The following CTNND2 variants were observed in gnomAD, a reference collection of about 807,000 sequenced individuals.
The protein encoded by CTNND2 is catenin delta-2.
In CTNND2, 22 loss-of-function variants were observed where a neutral mutation model predicts 144.4. The ratio of observed to expected loss-of-function variants is 0.15; its 90% confidence interval spans 0.11 to 0.22. The LOEUF is 0.22. Ranked by LOEUF, CTNND2 falls within the 10% of genes least tolerant of loss-of-function variation. CTNND2 has a pLI of 1.00. For missense variants in CTNND2, 1,353 were observed against 1,618.8 expected (o/e 0.84, Z 2.82); for synonymous variants, 751 against 695.6 (o/e 1.08, Z -1.25).
chr5:11,259,381 T>A (rs1744624011), intron 9 of CTNND2, among the ~76,000 whole-genome samples: 1 of 152,074 alleles, frequency 6.6e-6, no homozygotes, highest in African/African-American at 2.4e-5. Flanking sequence ...AGATGCTAGG[T>A]CAATTGCCCC....
At chr5:11,169,929 C>A (rs1273916665) in intron 11 of CTNND2, among the ~76,000 whole-genome samples, 1 of 152,092 alleles carries the variant, frequency 6.6e-6, no homozygotes, top group African/African-American at 2.4e-5. Flanking sequence ...AACTACATGT[C>A]CAAAACAAGA....
chr5:11,734,888 A>T (rs1787592098), intron 1 of CTNND2, among the ~76,000 whole-genome samples: 1 of 152,178 alleles, frequency 6.6e-6, no homozygotes, highest in South Asian at 2.1e-4. Context: ...TATTTGTTTT[A>T]ATTTTATGAA....
At chr5:11,139,343 C>G (rs780100723) in intron 12 of CTNND2, among the ~76,000 whole-genome samples, 1 of 152,172 alleles carries the variant, frequency 6.6e-6, no homozygotes, top group Non-Finnish European at 1.5e-5. Flanking sequence ...CAGCATACTG[C>G]GTGTTAGAGT....
intron 3 of CTNND2, among the ~76,000 whole-genome samples, chr5:11,562,893 G>T (rs1434113587): frequency 6.6e-6 from 1 of 152,230 alleles, no homozygotes; most frequent in Non-Finnish European, 1.5e-5. Context: ...ACATTAGGCA[G>T]CCAGTCCTAA....
In CTNND2 at chr5:11,154,508, AGT is replaced by A. The variant is rs539110124; in HGVS notation, c.2159+5066_2159+5067del. 2.0e-3 allele frequency among the ~76,000 whole-genome samples: 303 copies of A among 152,242 alleles called. 1 individual carries two copies. The highest frequency in any genetic ancestry group is 7.0e-3 in the African/African-American group (292 of 41,546). On this transcript the variant is annotated intron_variant, in intron 12 of 21. Coordinates refer to ENST00000304623, the MANE Select transcript of CTNND2 (RefSeq NM_001332.4). Reference sequence around the variant, plus strand: ...CATCTTTGATCTGGGTTGTTTGTTGAGTGTGTGGGCACTGTTTGGGGACAGGC... The same window carrying A: ...CATCTTTGATCTGGGTTGTTTGTTGAGTGTGGGCACTGTTTGGGGACAGGC...
chr5:11,630,709 T>G (rs1335571335), intron 2 of CTNND2, among the ~76,000 whole-genome samples: 1 of 152,088 alleles, frequency 6.6e-6, no homozygotes, highest in South Asian at 2.1e-4. Flanking sequence ...CCCAGCACTT[T>G]GGGAGGCCGA....
At chr5:11,549,766 T>C (rs1012369076) in intron 3 of CTNND2, among the ~76,000 whole-genome samples, 5 of 152,200 alleles carry the variant, frequency 3.3e-5, no homozygotes, top group African/African-American at 1.2e-4. Context: ...GTGATGAGAC[T>C]GTGTCCTAAG....
chr5:11,736,262 G>A (rs113513521), intron 1 of CTNND2, among the ~76,000 whole-genome samples: 2 of 152,132 alleles, frequency 1.3e-5, no homozygotes, highest in African/African-American at 4.8e-5. Flanking sequence ...CTGAATCAAG[G>A]TTTCTCCTCC....
At position 11,772,151 on chromosome 5, in the gene CTNND2, C is replaced by G. The variant is rs73743232; in HGVS notation, c.38-39879G>C. Among the ~76,000 whole-genome samples, 1,173 of 152,264 alleles carry G rather than the reference C, an allele frequency of 7.7e-3. 10 individuals carry two copies. Among genetic ancestry groups the G allele is most frequent in the African/African-American group, 0.027 (1,115 of 41,550 alleles). ...TAAATAGCAGAAATTGATTTTCTAA[C>G]TAAATTAGAAGTTTTAATCTTAATT... On this transcript the variant is annotated intron_variant, in intron 1 of 21. Coordinates refer to ENST00000304623, the MANE Select transcript of CTNND2 (RefSeq NM_001332.4).
intron 5 of CTNND2, among the ~76,000 whole-genome samples, chr5:11,406,795 T>C (rs1056718143): frequency 1.3e-5 from 2 of 151,388 alleles, no homozygotes; most frequent in African/African-American, 4.9e-5. Flanking sequence ...TTTAAAAATA[T>C]ATTCAGATTT....
chr5:11,451,559 C>T (rs1362980240), intron 3 of CTNND2, among the ~76,000 whole-genome samples: 1 of 152,178 alleles, frequency 6.6e-6, no homozygotes, highest in Admixed American at 6.5e-5. Context: ...CAATGCTCCA[C>T]TGGTAAGTAT....
intron 18 of CTNND2, among the ~76,000 whole-genome samples, chr5:11,003,142 G>A (rs954029978): frequency 5.3e-5 from 8 of 152,098 alleles, no homozygotes; most frequent in Non-Finnish European, 1.2e-4. Flanking sequence ...CACCTTAGCT[G>A]TCCTTGAAGG....
chr5:11,887,495 A>T (rs1407671128), intron 1 of CTNND2, among the ~76,000 whole-genome samples: 2 of 146,588 alleles, frequency 1.4e-5, no homozygotes, highest in East Asian at 4.0e-4. Flanking sequence ...ATCTTTAAAA[A>T]CTTTGAGCAA....
intron 10 of CTNND2, among the ~76,000 whole-genome samples, chr5:11,211,171 G>A (rs531715124): frequency 7.2e-5 from 11 of 152,154 alleles, no homozygotes; most frequent in Admixed American, 3.3e-4. Flanking sequence ...GTGGGTCAGC[G>A]CACACTAGAG....
intron 9 of CTNND2, among the ~76,000 whole-genome samples, chr5:11,303,659 C>A (rs1159047119): frequency 6.6e-6 from 1 of 152,122 alleles, no homozygotes; most frequent in Non-Finnish European, 1.5e-5. Context: ...ATAGATTTCT[C>A]CTGGTGCTTT....
intron 1 of CTNND2, among the ~76,000 whole-genome samples, chr5:11,839,141 G>C (rs983260551): frequency 6.6e-6 from 1 of 152,006 alleles, no homozygotes; most frequent in African/African-American, 2.4e-5. Context: ...TGATTTATTA[G>C]CTGTCCAAGT....
chr5:11,121,602 A>C (rs1308622673), intron 12 of CTNND2, among the ~76,000 whole-genome samples: 1 of 110,836 alleles, frequency 9.0e-6, no homozygotes, highest in East Asian at 6.2e-4. Flanking sequence ...ATGTCTTCCA[A>C]ATTAAAAGAC....
At chr5:11,773,246 G>A (rs942372907) in intron 1 of CTNND2, among the ~76,000 whole-genome samples, 4 of 152,040 alleles carry the variant, frequency 2.6e-5, no homozygotes, top group East Asian at 3.8e-4. Flanking sequence ...TTTTTTCCAA[G>A]CAGTAAAATC....
chr5:11,418,979 C>T lies in CTNND2; in HGVS notation c.288-6910G>A, dbSNP rs939219146. Among the ~76,000 whole-genome samples, 7 of 149,762 alleles carry T rather than the reference C, an allele frequency of 4.7e-5. No individual in the cohort carries two copies. In the South Asian group the frequency reaches 6.4e-4, roughly 14 times the overall value. On this transcript the variant is annotated intron_variant, in intron 3 of 21. Transcript: ENST00000304623. ...TTGTTTATAAATATACACATTAATA[C>T]ATATACATGCATCTCTCTATATATA...
Sources: gnomAD v4.1 joint callset for allele counts (sites outside exome capture counted in the v4.1 genomes callset) on GRCh38, gnomAD v4.1.1 for gene constraint, MANE v1.5 for transcripts, NCBI Gene and HGNC (gene_info 2026-07-23, HGNC 2026-07-21) for gene names.